Variants in CNTNAP2 observed in about 807,000 individuals in gnomAD.
The protein encoded by CNTNAP2 is contactin-associated protein-like 2.
A neutral mutation model predicts 155.2 loss-of-function variants in CNTNAP2; 98 were observed. That is an observed-to-expected ratio of 0.63 (90% CI 0.54 to 0.75). The LOEUF is 0.75. CNTNAP2 is among the 30% of genes least tolerant of loss of function. The pLI, the probability that CNTNAP2 is intolerant of heterozygous loss-of-function variation, is 0.00. For synonymous variants in CNTNAP2, 651 were observed against 631.2 expected, an observed-to-expected ratio of 1.03 and a Z score of -0.47; for missense variants, 1,727 against 1,688.1, an observed-to-expected ratio of 1.02 and a Z score of -0.40.
At chr7:148,075,549 G>A (rs1563190582) in intron 15 of CNTNAP2, among the ~76,000 whole-genome samples, 2 of 152,310 alleles carry the variant, frequency 1.3e-5, no homozygotes, top group South Asian at 4.2e-4. Context: ...CTCTGAAGGA[G>A]TAAGAGAGTC....
At position 148,095,013 on chromosome 7, in the gene CNTNAP2, G is replaced by A. The variant is rs759838644; in HGVS notation, c.2384-23105G>A. On this transcript the variant is annotated intron_variant, in intron 15 of 23. Coordinates refer to ENST00000361727, the MANE Select transcript of CNTNAP2 (RefSeq NM_014141.6). ...AGTGGAACCAATGAAATGATGAACC[G>A]AGAGTAAAGTAGAAAGATGATGAGA... 5.3e-5 allele frequency among the ~76,000 whole-genome samples: 8 copies of A among 152,266 alleles called. No homozygotes were observed. The East Asian group carries it at 7.7e-4, about 15-fold the overall frequency.
chr7:148,200,656 C>T (rs2116730668), intron 18 of CNTNAP2, among the ~76,000 whole-genome samples: 2 of 152,304 alleles, frequency 1.3e-5, no homozygotes, highest in African/African-American at 4.8e-5. Context: ...CTTCAAAATA[C>T]ACCTACGATG....
chr7:147,191,991 T>A (rs1433874675), intron 8 of CNTNAP2, among the ~76,000 whole-genome samples: 1 of 152,238 alleles, frequency 6.6e-6, no homozygotes, highest in East Asian at 1.9e-4. Flanking sequence ...GAGTGTATAT[T>A]GTTTGAGGTA....
intron 8 of CNTNAP2, among the ~76,000 whole-genome samples, chr7:147,258,921 A>G (rs1468878983): frequency 3.3e-5 from 5 of 152,172 alleles, no homozygotes; most frequent in African/African-American, 9.7e-5. Flanking sequence ...TGGATGAGTC[A>G]TATGTTTCTT....
intron 13 of CNTNAP2, among the ~76,000 whole-genome samples, chr7:147,765,844 A>G (rs1797374483): frequency 6.6e-6 from 1 of 152,224 alleles, no homozygotes; most frequent in African/African-American, 2.4e-5. Context: ...GAAATGAATA[A>G]ACAAGGGATG....
chr7:146,840,013 A>T (rs1803690279), intron 3 of CNTNAP2, 109 bp downstream of exon 3: 2 of 1,270,078 alleles, frequency 1.6e-6, no homozygotes, highest in South Asian at 2.6e-5. Context: ...TATTCAAATC[A>T]TTGGGAAACT....
At chr7:147,597,358 A>T (rs1378785918) in intron 12 of CNTNAP2, among the ~76,000 whole-genome samples, 1 of 151,822 alleles carries the variant, frequency 6.6e-6, no homozygotes, top group African/African-American at 2.4e-5. Flanking sequence ...TTACTTTTTG[A>T]TCTTTTAGGA....
intron 10 of CNTNAP2, among the ~76,000 whole-genome samples, chr7:147,444,543 A>G (rs1346038418): frequency 2.5e-5 from 2 of 80,022 alleles, no homozygotes; most frequent in Admixed American, 2.3e-4. Flanking sequence ...TTTTTTTTTT[A>G]CTAGCATCAT....
At chr7:147,044,113 G>C in intron 4 of CNTNAP2, 59 bp downstream of exon 4, 1 of 1,588,912 alleles carries the variant, frequency 6.3e-7, no homozygotes, top group Non-Finnish European at 8.6e-7. Flanking sequence ...ATAGTAAGCT[G>C]TTTTATTTTA....
intron 1 of CNTNAP2, among the ~76,000 whole-genome samples, chr7:146,246,916 G>A (rs917402652): frequency 6.6e-6 from 1 of 152,212 alleles, no homozygotes; most frequent in Non-Finnish European, 1.5e-5. Context: ...GTTCTTGTGT[G>A]CTGGAGATGT....
chr7:148,326,674 G>A (rs1205001176), intron 21 of CNTNAP2, among the ~76,000 whole-genome samples: 1 of 152,042 alleles, frequency 6.6e-6, no homozygotes, highest in Non-Finnish European at 1.5e-5. Flanking sequence ...AGACCATCTT[G>A]GCCAACACGG....
At chr7:148,090,984 C>T (rs1803829001) in intron 15 of CNTNAP2, among the ~76,000 whole-genome samples, 1 of 152,014 alleles carries the variant, frequency 6.6e-6, no homozygotes, top group Non-Finnish European at 1.5e-5. Flanking sequence ...AATCAAGTAT[C>T]CTATGATCCC....
intron 9 of CNTNAP2, among the ~76,000 whole-genome samples, chr7:147,306,463 G>T (rs1451508561): frequency 6.6e-6 from 1 of 152,128 alleles, no homozygotes; most frequent in Admixed American, 6.5e-5. Context: ...GTATAGAATT[G>T]CAAGGAAACC....
At chr7:146,174,194 G>C (rs1321045722) in intron 1 of CNTNAP2, among the ~76,000 whole-genome samples, 1 of 149,948 alleles carries the variant, frequency 6.7e-6, no homozygotes, top group African/African-American at 2.5e-5. Context: ...AGACTAAGAT[G>C]CTGTCTCAAA....
At chr7:147,373,504 ATTAT>A in intron 9 of CNTNAP2, among the ~76,000 whole-genome samples, 1 of 152,172 alleles carries the variant, frequency 6.6e-6, no homozygotes, top group Admixed American at 6.6e-5. Flanking sequence ...TACTGGTTAA[ATTAT>A]TTTGACAGCT....
At chr7:147,091,897 C>T (rs1049139250) in intron 4 of CNTNAP2, among the ~76,000 whole-genome samples, 11 of 152,168 alleles carry the variant, frequency 7.2e-5, no homozygotes, top group South Asian at 4.2e-4. Flanking sequence ...TGAGCCACCG[C>T]GCCAGGCCAT....
chr7:147,062,143 A>G (rs1399487124), intron 4 of CNTNAP2, among the ~76,000 whole-genome samples: 1 of 94,152 alleles, frequency 1.1e-5, no homozygotes, highest in Non-Finnish European at 2.3e-5. Context: ...AAAAAAAAAA[A>G]AAAAAAAAAA....
intron 1 of CNTNAP2, among the ~76,000 whole-genome samples, chr7:146,421,846 C>T (rs528174058): frequency 5.3e-5 from 8 of 151,866 alleles, no homozygotes; most frequent in African/African-American, 1.9e-4. Flanking sequence ...ACAAATTTCC[C>T]AATTATATAC....
chr7:147,003,227 C>T (rs527439958), intron 3 of CNTNAP2, among the ~76,000 whole-genome samples: 6 of 151,958 alleles, frequency 3.9e-5, no homozygotes, highest in African/African-American at 4.8e-5. Context: ...GAATCAATTC[C>T]GATAGAACTG....
Sources: gnomAD v4.1 joint callset for allele counts (sites outside exome capture counted in the v4.1 genomes callset) on GRCh38, gnomAD v4.1.1 for gene constraint, MANE v1.5 for transcripts, NCBI Gene and HGNC (gene_info 2026-07-23, HGNC 2026-07-21) for gene names.